PCLO: variants seen among roughly 807,000 people sequenced by gnomAD.
PCLO encodes protein piccolo.
PCLO carries 82 observed loss-of-function variants against 427.5 expected under a neutral mutation model. The ratio of observed to expected loss-of-function variants is 0.19; its 90% CI spans 0.16 to 0.23. The LOEUF (loss-of-function observed/expected upper bound fraction) is 0.23. Among genes scored for constraint, PCLO ranks in the 10% least tolerant of loss-of-function variants. The probability of loss-of-function intolerance (pLI) is 1.00; values close to 1 mark genes in which losing one functional copy is unlikely to be tolerated. For synonymous variants in PCLO, 2,357 were observed against 2,155.4 expected (o/e 1.09, Z -2.59); for missense variants, 6,239 against 6,115.9 (o/e 1.02, Z -0.67).
chr7:82,966,527 A>G (rs200144414), intron 3 of PCLO, 40 bp from the exon 4 acceptor site: 1 of 1,230,626 alleles, frequency 8.1e-7, no homozygotes, highest in Non-Finnish European at 1.1e-6. Flanking sequence ...TGAATGTATT[A>G]TAATGTATCT....
chr7:82,789,634 G>A (rs1413441419), intron 22 of PCLO, among the ~76,000 whole-genome samples: 1 of 152,160 alleles, frequency 6.6e-6, no homozygotes, highest in African/African-American at 2.4e-5. Context: ...GAAGCTGGAA[G>A]GTGGAGGTTG....
At chr7:82,856,622 A>G (rs1236390326) in intron 10 of PCLO, among the ~76,000 whole-genome samples, 1 of 152,170 alleles carries the variant, frequency 6.6e-6, no homozygotes, top group Admixed American at 6.6e-5. Flanking sequence ...GTTATCCAAT[A>G]ATAGATATGT....
At chr7:83,116,946 T>C (rs184466539) in intron 3 of PCLO, among the ~76,000 whole-genome samples, 1 of 152,244 alleles carries the variant, frequency 6.6e-6, no homozygotes, top group Admixed American at 6.5e-5. Flanking sequence ...CCTGTATCTA[T>C]CAATGGATGA....
At chr7:82,898,232 A>G (rs1258571373) in intron 9 of PCLO, among the ~76,000 whole-genome samples, 1 of 151,414 alleles carries the variant, frequency 6.6e-6, no homozygotes, top group South Asian at 2.1e-4. Flanking sequence ...CAGCATGAAA[A>G]AGGCAAATTC....
At chr7:82,760,874 C>T (rs759989208) in intron 23 of PCLO, 90 bp from the exon 24 acceptor site, 2 of 405,344 alleles carry the variant, frequency 4.9e-6, no homozygotes, top group Non-Finnish European at 8.1e-6. Flanking sequence ...GTTCTTGTTA[C>T]ATTTTGCACA....
intron 6 of PCLO, among the ~76,000 whole-genome samples, chr7:82,942,614 T>C (rs1562871493): frequency 6.6e-6 from 1 of 152,166 alleles, no homozygotes; most frequent in African/African-American, 2.4e-5. Context: ...TTTGTATATC[T>C]GTGTACATTT....
intron 22 of PCLO, among the ~76,000 whole-genome samples, chr7:82,785,940 T>A (rs898311446): frequency 6.6e-6 from 1 of 151,930 alleles, no homozygotes; most frequent in Non-Finnish European, 1.5e-5. Context: ...CTAGCTAGAG[T>A]TATATGGTTC....
chr7:83,077,173 G>C (rs1181191114), intron 3 of PCLO, among the ~76,000 whole-genome samples: 1 of 152,106 alleles, frequency 6.6e-6, no homozygotes, highest in East Asian at 1.9e-4. Context: ...GTATAGCAAA[G>C]AAGTGGTATT....
chr7:83,043,132 G>A (rs1287156750), intron 3 of PCLO, among the ~76,000 whole-genome samples: 1 of 152,076 alleles, frequency 6.6e-6, no homozygotes, highest in Non-Finnish European at 1.5e-5. Flanking sequence ...TCCCCATTGT[G>A]ACAATCAAAA....
chr7:83,086,297 T>C lies in PCLO; in HGVS notation c.3300+47953A>G, dbSNP rs577836348. On this transcript the variant is annotated intron_variant, in intron 3 of 24. Transcript: ENST00000333891. ...AGCTAATTTTTGTATTTTTAGTAGA[T>C]GCAGTTTCACCATGTTGCCCAGGCT... is the stretch of plus-strand genomic sequence containing the variant. 7.9e-5 allele frequency among the ~76,000 whole-genome samples: 12 copies of C among 152,032 alleles called. No individual in the cohort carries two copies. In the East Asian group the frequency reaches 1.9e-3, roughly 25 times the overall value.
intron 6 of PCLO, 92 bp from the exon 7 acceptor site, chr7:82,916,965 T>A: frequency 1.1e-6 from 1 of 900,518 alleles, no homozygotes; most frequent in Non-Finnish European, 1.6e-6. Context: ...AAAAATGATT[T>A]CATGTATGAT....
chr7:82,926,012 A>G (rs990428218), intron 6 of PCLO, among the ~76,000 whole-genome samples: 3 of 151,930 alleles, frequency 2.0e-5, no homozygotes, highest in Admixed American at 6.6e-5. Context: ...AGCCACCACC[A>G]TCCTATTGCT....
intron 3 of PCLO, among the ~76,000 whole-genome samples, chr7:83,099,728 T>A (rs1790689167): frequency 1.3e-5 from 2 of 152,296 alleles, no homozygotes; most frequent in South Asian, 2.1e-4. Context: ...TTTCTAAATG[T>A]ATGATACACT....
chr7:83,042,739 G>A (rs1054544210), intron 3 of PCLO, among the ~76,000 whole-genome samples: 1 of 152,122 alleles, frequency 6.6e-6, no homozygotes, highest in African/African-American at 2.4e-5. Context: ...GTGGGTGCCT[G>A]TGATCCCAAC....
intron 3 of PCLO, among the ~76,000 whole-genome samples, chr7:83,131,974 G>T (rs531484987): frequency 1.1e-4 from 17 of 151,822 alleles, no homozygotes; most frequent in African/African-American, 4.1e-4. Context: ...TGTGTACAAA[G>T]GTATATATAT....
In PCLO at chr7:83,046,542, C is replaced by A. The variant is rs542710808; in HGVS notation, c.3301-80055G>T. ...AAACACTGTTTATCTAAGTGACTCT[C>A]TCTAAAATACCAGAATTAGGTCTTC... On this transcript the variant is annotated intron_variant, in intron 3 of 24. Coordinates refer to ENST00000333891, the MANE Select transcript of PCLO (RefSeq NM_033026.6). 3.3e-5 allele frequency among the ~76,000 whole-genome samples: 5 copies of A among 152,144 alleles called. 1 individual carries two copies. The highest frequency in any genetic ancestry group is 1.2e-4 in the African/African-American group (5 of 41,564).
At chr7:83,133,613 T>C (rs1016500928) in intron 3 of PCLO, among the ~76,000 whole-genome samples, 1 of 152,066 alleles carries the variant, frequency 6.6e-6, no homozygotes, top group Non-Finnish European at 1.5e-5. Context: ...CCACAGCTCC[T>C]AGTAAAGTGC....
At chr7:83,113,765 G>A (rs1048974278) in intron 3 of PCLO, among the ~76,000 whole-genome samples, 3 of 151,970 alleles carry the variant, frequency 2.0e-5, no homozygotes, top group Non-Finnish European at 4.4e-5. Context: ...GAACAATTAT[G>A]TTAAAAGATA....
At chr7:83,090,455 C>T (rs1458102853) in intron 3 of PCLO, among the ~76,000 whole-genome samples, 2 of 152,142 alleles carry the variant, frequency 1.3e-5, no homozygotes, top group Non-Finnish European at 2.9e-5. Context: ...TTTCAACCAA[C>T]AATAAACATT....
Sources: allele counts gnomAD v4.1 joint callset (sites outside exome capture counted in the v4.1 genomes callset), GRCh38; gene constraint gnomAD v4.1.1; transcripts MANE v1.5; gene names NCBI Gene and HGNC (gene_info 2026-07-23, HGNC 2026-07-21).